Variants in MACO1 observed in about 807,000 individuals in gnomAD.
MACO1 encodes macoilin 1.
A neutral mutation model predicts 78.7 loss-of-function variants in MACO1; 14 were observed. The ratio of observed to expected loss-of-function variants is 0.18; its 90% CI spans 0.12 to 0.28. The LOEUF (loss-of-function observed/expected upper bound fraction) is 0.28, where lower values mean the gene tolerates loss of function less well. Ranked by LOEUF, MACO1 falls within the 10% of genes least tolerant of loss-of-function variation. The pLI is 1.00. For missense variants in MACO1, 501 were observed against 799.0 expected (o/e 0.63, Z 4.50); for synonymous variants, 288 against 291.6 (o/e 0.99, Z 0.12).
At chr1:25,433,266 AT>A (rs373715355) in intron 1 of MACO1, among the ~76,000 whole-genome samples, 125 of 145,324 alleles carry the variant, frequency 8.6e-4, no homozygotes, top group Admixed American at 7.6e-4. Context: ...GAAGAACAAG[AT>A]TTTTTTTTTT....
intron 1 of MACO1, among the ~76,000 whole-genome samples, chr1:25,444,578 T>C (rs1328881362): frequency 6.6e-6 from 1 of 151,994 alleles, no homozygotes; most frequent in Non-Finnish European, 1.5e-5. Flanking sequence ...TCAGTTGTGT[T>C]TTTTTGTTTG....
chr1:25,455,971 G>A (rs995211007), intron 4 of MACO1, among the ~76,000 whole-genome samples: 1 of 151,716 alleles, frequency 6.6e-6, no homozygotes, highest in Non-Finnish European at 1.5e-5. Flanking sequence ...GTTTTTAAAA[G>A]CATACAGGCC....
chr1:25,438,571 A>G (rs913376886), intron 1 of MACO1, among the ~76,000 whole-genome samples: 1 of 152,228 alleles, frequency 6.6e-6, no homozygotes, highest in African/African-American at 2.4e-5. Context: ...GTGGAACTCT[A>G]TGTTGCTGCT....
chr1:25,458,772 C>G lies in MACO1; in HGVS notation c.1034C>G (p.Ser345Cys). ...SHSATNGSIP[S>C]SSSKNEKKQK... ...AGCGCCACAAATGGGAGCATTCCTTCCTCATCTAGTAAAAATGAGAAGAAG... is the reference window on the plus strand; with the variant it reads ...AGCGCCACAAATGGGAGCATTCCTTGCTCATCTAGTAAAAATGAGAAGAAG... Residue 345 changes from serine to cysteine, a missense_variant, in exon 6 of 11, where the codon TCC becomes TGC. This residue lies in a region of MACO1 where 163 missense variants were observed against 271.9 expected (regional missense o/e 0.60). Transcript: ENST00000374343. The G allele has an allele frequency of 6.2e-7, 1 of 1,614,154 alleles. No individual in the cohort carries two copies. Among genetic ancestry groups the G allele is most frequent in the Non-Finnish European group, 8.5e-7 (1 of 1,180,036 alleles).
intron 1 of MACO1, among the ~76,000 whole-genome samples, chr1:25,434,464 C>T (rs140368829): frequency 3.9e-5 from 6 of 152,284 alleles, no homozygotes; most frequent in Non-Finnish European, 8.8e-5. Context: ...TCATTGTCTT[C>T]AAGGAGTTTA....
chr1:25,495,293 G>A (rs2043525271), intron 10 of MACO1, among the ~76,000 whole-genome samples: 1 of 152,328 alleles, frequency 6.6e-6, no homozygotes, highest in East Asian at 1.9e-4. Context: ...CTCCTGAAGT[G>A]ACAAAGAAGC....
At chr1:25,472,191 T>TA (rs946306550) in intron 6 of MACO1, among the ~76,000 whole-genome samples, 2 of 151,572 alleles carry the variant, frequency 1.3e-5, no homozygotes, top group South Asian at 2.1e-4. Flanking sequence ...GATCCCACAT[T>TA]AAAAAAATAT....
At chr1:25,489,362 T>G in intron 9 of MACO1, 69 bp downstream of exon 9, 4 of 1,574,804 alleles carry the variant, frequency 2.5e-6, no homozygotes, top group Non-Finnish European at 3.5e-6. Flanking sequence ...TGCTCTGTGT[T>G]GCAGTGTAGA....
chr1:25,432,277 T>C (rs1476420356), intron 1 of MACO1, among the ~76,000 whole-genome samples: 1 of 152,236 alleles, frequency 6.6e-6, no homozygotes, highest in East Asian at 1.9e-4. Context: ...CTGTACACCT[T>C]GCACATGCTC....
chr1:25,460,314 ACCTT>A (rs1334105816), intron 6 of MACO1, among the ~76,000 whole-genome samples: 2 of 152,070 alleles, frequency 1.3e-5, no homozygotes, highest in Non-Finnish European at 2.9e-5. Flanking sequence ...CAATTAGTTT[ACCTT>A]CTATTTCAGA....
At chr1:25,487,672 T>C (rs1457234554) in intron 8 of MACO1, among the ~76,000 whole-genome samples, 1 of 152,220 alleles carries the variant, frequency 6.6e-6, no homozygotes, top group Non-Finnish European at 1.5e-5. Flanking sequence ...ACTCCAGTCT[T>C]GTGGCAACTT....
At chr1:25,467,504 A>C (rs1329216104) in intron 6 of MACO1, among the ~76,000 whole-genome samples, 1 of 152,178 alleles carries the variant, frequency 6.6e-6, no homozygotes, top group Non-Finnish European at 1.5e-5. Context: ...GTGATCCATA[A>C]TCTGCAGAAA....
intron 10 of MACO1, among the ~76,000 whole-genome samples, chr1:25,497,081 T>G (rs2043544006): frequency 6.6e-6 from 1 of 152,086 alleles, no homozygotes; most frequent in Non-Finnish European, 1.5e-5. Context: ...GGAGGGTGTG[T>G]TAAGAATCTA....
intron 1 of MACO1, among the ~76,000 whole-genome samples, chr1:25,432,047 C>T (rs571748020): frequency 4.6e-5 from 7 of 152,122 alleles, no homozygotes; most frequent in Admixed American, 2.6e-4. Context: ...GATTTGTGTA[C>T]GACTGTTATT....
In MACO1 at chr1:25,458,644, T is replaced by C; in HGVS notation, c.906T>C (p.Leu302=). ...ATAGTAAAAGATTAAATAATGATCT[T>C]GTGGGAAGTACAGAAAATCTCTTGA... ...HINSKRLNND[L]VGSTENLLKE... Residue 302 remains leucine (L), a synonymous_variant, in exon 6 of 11, where the codon CTT becomes CTC. Transcript: ENST00000374343. 1.9e-6 allele frequency: 3 copies of C among 1,614,124 alleles called. No homozygotes were observed. Among genetic ancestry groups the C allele is most frequent in the Non-Finnish European group, 2.5e-6 (3 of 1,180,002 alleles).
intron 1 of MACO1, among the ~76,000 whole-genome samples, chr1:25,443,029 T>A (rs2042985691): frequency 6.6e-6 from 1 of 152,236 alleles, no homozygotes; most frequent in Non-Finnish European, 1.5e-5. Context: ...CATATTTTCT[T>A]CATGGTTTAA....
At chr1:25,475,712 G>A (rs1316242005) in intron 6 of MACO1, among the ~76,000 whole-genome samples, 2 of 151,982 alleles carry the variant, frequency 1.3e-5, no homozygotes, top group African/African-American at 4.8e-5. Flanking sequence ...TAAAATTATC[G>A]AATAATAATT....
intron 3 of MACO1, among the ~76,000 whole-genome samples, chr1:25,453,936 A>G (rs945847827): frequency 3.3e-5 from 5 of 151,992 alleles, no homozygotes; most frequent in Non-Finnish European, 7.4e-5. Flanking sequence ...AGCCATCTGT[A>G]TTCTTTTGTG....
intron 6 of MACO1, among the ~76,000 whole-genome samples, chr1:25,476,930 G>A (rs1035300121): frequency 2.0e-5 from 3 of 152,222 alleles, no homozygotes; most frequent in Non-Finnish European, 2.9e-5. Flanking sequence ...TGAGCACTGA[G>A]GAGATAGACA....
Sources: gnomAD v4.1 joint callset for allele counts (sites outside exome capture counted in the v4.1 genomes callset) on GRCh38, gnomAD v4.1.1 for gene constraint, gnomAD v4.1.1 regional missense constraint, MANE v1.5 for transcripts, NCBI Gene and HGNC (gene_info 2026-07-23, HGNC 2026-07-21) for gene names.